Variants in NAALADL2 observed in about 807,000 individuals in gnomAD.
NAALADL2 encodes the protein N-acetylated alpha-linked acidic dipeptidase like 2.
A neutral mutation model predicts 87.2 loss-of-function variants in NAALADL2; 76 were observed. The ratio of observed to expected loss-of-function variants is 0.87; its 90% CI spans 0.72 to 1.05. NAALADL2 has a LOEUF of 1.05. Among genes scored for constraint, NAALADL2 ranks in the 50% least tolerant of loss-of-function variants. The pLI is 0.00. For missense variants in NAALADL2, 1,089 were observed against 945.8 expected (o/e 1.15, Z -1.99); for synonymous variants, 354 against 331.0 (o/e 1.07, Z -0.75).
At chr3:175,490,154 T>A (rs1157225781) in intron 9 of NAALADL2, among the ~76,000 whole-genome samples, 2 of 151,402 alleles carry the variant, frequency 1.3e-5, no homozygotes, top group Admixed American at 6.6e-5. Flanking sequence ...GAAATAGGAG[T>A]TTTTCTGTTT....
At chr3:175,634,376 G>A (rs1300373733) in intron 11 of NAALADL2, among the ~76,000 whole-genome samples, 2 of 151,838 alleles carry the variant, frequency 1.3e-5, no homozygotes, top group Non-Finnish European at 1.5e-5. Context: ...ATATTCTTAA[G>A]ATTCTTGGAG....
chr3:174,940,273 G>A (rs1284052099), intron 1 of NAALADL2, among the ~76,000 whole-genome samples: 2 of 152,066 alleles, frequency 1.3e-5, no homozygotes, highest in Admixed American at 6.6e-5. Flanking sequence ...ATAATCATGT[G>A]GTTTTTGTCT....
At chr3:174,727,170 T>A (rs1732274322) in intron 2 of NAALADL2, among the ~76,000 whole-genome samples, 1 of 151,992 alleles carries the variant, frequency 6.6e-6, no homozygotes, top group Non-Finnish European at 1.5e-5. Context: ...TGTGATGTAT[T>A]TCTGTGAGAA....
chr3:175,573,705 G>A (rs1012897199), intron 9 of NAALADL2, among the ~76,000 whole-genome samples: 1 of 152,134 alleles, frequency 6.6e-6, no homozygotes. Flanking sequence ...TCTCTAAACT[G>A]TCCCAGCTTA....
intron 5 of NAALADL2, among the ~76,000 whole-genome samples, chr3:175,415,896 T>G (rs1714546940): frequency 6.6e-6 from 1 of 151,240 alleles, no homozygotes. Context: ...GGAGGATTGC[T>G]TGAGCCCAGG....
chr3:174,818,854 G>A (rs1721083197), intron 3 of NAALADL2, among the ~76,000 whole-genome samples: 1 of 152,040 alleles, frequency 6.6e-6, no homozygotes, highest in Non-Finnish European at 1.5e-5. Flanking sequence ...AAGGGAGGGA[G>A]TGGGGGCTTA....
chr3:175,239,439 T>C (rs1163354227), intron 3 of NAALADL2, among the ~76,000 whole-genome samples: 1 of 152,192 alleles, frequency 6.6e-6, no homozygotes, highest in Non-Finnish European at 1.5e-5. Context: ...AATTATTTCT[T>C]TTGTCCTTTG....
chr3:175,108,953 G>C (rs1217485207), intron 2 of NAALADL2, among the ~76,000 whole-genome samples: 1 of 151,628 alleles, frequency 6.6e-6, no homozygotes, highest in Admixed American at 6.6e-5. Flanking sequence ...TCTTCATCCT[G>C]TTTGTGCCAT....
intron 1 of NAALADL2, among the ~76,000 whole-genome samples, chr3:175,069,102 C>G (rs964801975): frequency 5.3e-5 from 8 of 151,584 alleles, no homozygotes; most frequent in Non-Finnish European, 8.8e-5. Context: ...TAGGCATGGG[C>G]AAGGACTTCA....
chr3:174,880,355 A>C, intron 1 of NAALADL2, among the ~76,000 whole-genome samples: 1 of 152,304 alleles, frequency 6.6e-6, no homozygotes, highest in East Asian at 1.9e-4. Context: ...AAACTCAAGT[A>C]AAAACAAGCA....
rs1039579211 is a variant in NAALADL2 at position 174,615,814 on chromosome 3, T to C, written c.-115+65177T>C. Among the ~76,000 whole-genome samples the C allele has an allele frequency of 2.6e-5, 4 of 152,162 alleles. No homozygotes were observed. In the South Asian group the frequency reaches 8.3e-4, roughly 32 times the overall value. ...TTTAAAGTGAGAGAAATACATAATA[T>C]GTAGGAGGCACTTAAAGTTTACTTA... is the stretch of plus-strand genomic sequence containing the variant. On this transcript the variant is annotated intron_variant, in intron 2 of 3. Transcript: ENST00000434257.
At chr3:175,161,071 A>G (rs999395138) in intron 2 of NAALADL2, among the ~76,000 whole-genome samples, 25 of 152,264 alleles carry the variant, frequency 1.6e-4, no homozygotes, top group African/African-American at 4.8e-4. Context: ...TAGAACTTCA[A>G]TTACACCGCA....
chr3:175,507,366 G>A lies in NAALADL2; in HGVS notation c.1653+35608G>A, dbSNP rs188950696. On this transcript the variant is annotated intron_variant, in intron 9 of 13. Coordinates refer to ENST00000454872, the MANE Select transcript of NAALADL2 (RefSeq NM_207015.3). ...TCCCATGTCCAGGTGTCTCTTTTCAGCTCTTAACTATCCAGCCTAATCTAA... is the reference window on the plus strand; with the variant it reads ...TCCCATGTCCAGGTGTCTCTTTTCAACTCTTAACTATCCAGCCTAATCTAA... Among the ~76,000 whole-genome samples the A allele has an allele frequency of 9.2e-5, 14 of 152,238 alleles. No homozygotes were observed. In the East Asian group the frequency reaches 2.7e-3, roughly 29 times the overall value.
chr3:174,835,994 T>G lies in NAALADL2; in HGVS notation c.-9+98248T>G, dbSNP rs533981396. Among the ~76,000 whole-genome samples, 38 of 152,342 alleles carry G rather than the reference T, an allele frequency of 2.5e-4. No homozygotes were observed. In the South Asian group the frequency reaches 7.9e-3, roughly 32 times the overall value. On this transcript the variant is annotated intron_variant, in intron 3 of 3. Transcript: ENST00000434257. ...CCATATGATCCAAAGGTTTTACTTC[T>G]GGTTATATACGTAAAGTAAGTCAAA...
chr3:175,564,885 ATG>A (rs1716862404), intron 9 of NAALADL2, among the ~76,000 whole-genome samples: 1 of 152,200 alleles, frequency 6.6e-6, no homozygotes, highest in South Asian at 2.1e-4. Flanking sequence ...GTCATTCTAT[ATG>A]TAGTTTGCAA....
In NAALADL2 at chr3:175,085,742, A is replaced by G. The variant is rs534368424; in HGVS notation, c.44-11048A>G. 7.9e-5 allele frequency among the ~76,000 whole-genome samples: 12 copies of G among 152,248 alleles called. No individual in the cohort carries two copies. The East Asian group carries it at 2.3e-3, about 29-fold the overall frequency. ...AGACCATCCTGGCCAACATGGTGAA[A>G]CCCTGTCTCTACTAAAAATACAAAA... On this transcript the variant is annotated intron_variant, in intron 1 of 13. Transcript: ENST00000454872.
chr3:175,098,423 A>C lies in NAALADL2; in HGVS notation c.545+1132A>C, dbSNP rs1721523282. On this transcript the variant is annotated intron_variant, in intron 2 of 13. Coordinates refer to ENST00000454872, the MANE Select transcript of NAALADL2 (RefSeq NM_207015.3). Reference sequence around the variant, plus strand: ...CAGGGGATACTCAGGTAGCCCAGAAATTCACAAAATGGAGCCATTACTAAA... The same window carrying C: ...CAGGGGATACTCAGGTAGCCCAGAACTTCACAAAATGGAGCCATTACTAAA... Among the ~76,000 whole-genome samples, 3 of 152,264 alleles carry C rather than the reference A, an allele frequency of 2.0e-5. No individual in the cohort carries two copies. In the South Asian group the frequency reaches 6.2e-4, roughly 32 times the overall value.
intron 2 of NAALADL2, among the ~76,000 whole-genome samples, chr3:174,712,242 A>G (rs1424390731): frequency 6.6e-6 from 1 of 152,102 alleles, no homozygotes; most frequent in Non-Finnish European, 1.5e-5. Flanking sequence ...TGGTATCTTG[A>G]TAGATTATTT....
chr3:174,493,769 A>C (rs1393218672), intron 1 of NAALADL2, among the ~76,000 whole-genome samples: 1 of 152,186 alleles, frequency 6.6e-6, no homozygotes, highest in Non-Finnish European at 1.5e-5. Context: ...CTCAATCAAT[A>C]TGTTTATTAT....
Sources: gnomAD v4.1 joint callset for allele counts (sites outside exome capture counted in the v4.1 genomes callset) on GRCh38, gnomAD v4.1.1 for gene constraint, MANE v1.5 for transcripts, NCBI Gene and HGNC (gene_info 2026-07-23, HGNC 2026-07-21) for gene names.